WDPCP: variants seen among roughly 807,000 people sequenced by gnomAD.
The protein encoded by WDPCP is WD repeat-containing and planar cell polarity effector protein fritz homolog.
Under a neutral mutation model 93.1 loss-of-function variants are expected in WDPCP, and 71 were observed. That is an observed-to-expected ratio of 0.76 (90% CI 0.63 to 0.93). WDPCP has a LOEUF of 0.93. Ranked by LOEUF, WDPCP falls within the 40% of genes least tolerant of loss-of-function variation. WDPCP has a pLI of 0.00. For missense variants in WDPCP, 844 were observed against 887.4 expected (o/e 0.95, Z 0.62); for synonymous variants, 315 against 315.0 (o/e 1.00, Z 0.00).
At chr2:63,260,186 A>G (rs750992733) in intron 13 of WDPCP, among the ~76,000 whole-genome samples, 3 of 152,216 alleles carry the variant, frequency 2.0e-5, no homozygotes, top group Non-Finnish European at 1.5e-5. Flanking sequence ...CTCTCTGACA[A>G]TGGCAGATCT....
chr2:63,605,131 G>C, intron 3 of WDPCP: 3 of 651,182 alleles, frequency 4.6e-6, no homozygotes, highest in Non-Finnish European at 8.0e-6. Context: ...AGAAGGATTG[G>C]TAAGGCTGAC....
intron 2 of WDPCP, among the ~76,000 whole-genome samples, chr2:63,764,591 A>T (rs1447800217): frequency 6.6e-6 from 1 of 152,206 alleles, no homozygotes; most frequent in African/African-American, 2.4e-5. Flanking sequence ...AGCACATTAA[A>T]TATAAATGGA....
At chr2:63,364,993 C>T (rs564425066) in intron 12 of WDPCP, among the ~76,000 whole-genome samples, 147 of 152,276 alleles carry the variant, frequency 9.7e-4, no homozygotes, top group African/African-American at 3.1e-3. Context: ...ATGGGCTTGG[C>T]TGTGTTCCAA....
chr2:63,267,987 T>C (rs1183750840), intron 13 of WDPCP, among the ~76,000 whole-genome samples: 9 of 152,104 alleles, frequency 5.9e-5, no homozygotes, highest in South Asian at 2.1e-4. Flanking sequence ...TCCAAAGGGA[T>C]TGAAATTGAT....
intron 2 of WDPCP, among the ~76,000 whole-genome samples, chr2:63,772,649 T>C (rs981911425): frequency 2.6e-5 from 4 of 152,078 alleles, no homozygotes; most frequent in African/African-American, 9.6e-5. Flanking sequence ...TATCAATCAA[T>C]GTAATTCATG....
Position 63,722,625 on chromosome 2 carries a change from C to T in WDPCP, n.309-71787G>A, listed in dbSNP as rs1256093476. 4.4e-5 allele frequency among the ~76,000 whole-genome samples: 6 copies of T among 134,924 alleles called. No individual in the cohort carries two copies. The East Asian group carries it at 6.8e-4, about 15-fold the overall frequency. 88.5% of individuals were successfully genotyped at this position (134,924 alleles called of 152,430 possible). On this transcript the variant is annotated intron_variant and non_coding_transcript_variant, in intron 2 of 4. Coordinates refer to the WDPCP transcript ENST00000467687. ...GGAGGGAGGTGGGGGGGTCAGCCCCCGCCCGGCCAGCCGCCCCGTCCGGGA... is the reference window on the plus strand; with the variant it reads ...GGAGGGAGGTGGGGGGGTCAGCCCCTGCCCGGCCAGCCGCCCCGTCCGGGA...
chr2:63,755,626 T>A (rs1187584940), intron 2 of WDPCP, among the ~76,000 whole-genome samples: 5 of 152,224 alleles, frequency 3.3e-5, no homozygotes, highest in African/African-American at 1.2e-4. Context: ...TTTCATAAAA[T>A]TGTTCTTGTC....
At chr2:63,335,626 G>A (rs947246842) in intron 12 of WDPCP, among the ~76,000 whole-genome samples, 2 of 152,110 alleles carry the variant, frequency 1.3e-5, no homozygotes, top group African/African-American at 4.8e-5. Context: ...CATTGCTGGT[G>A]TAGAAAAATG....
chr2:63,712,514 A>T (rs1481783898), intron 2 of WDPCP, among the ~76,000 whole-genome samples: 1 of 152,200 alleles, frequency 6.6e-6, no homozygotes, highest in African/African-American at 2.4e-5. Context: ...ATAACCTGGG[A>T]TAAGGAGAGA....
chr2:63,461,107 GA>G (rs747116962), intron 6 of WDPCP, among the ~76,000 whole-genome samples: 13 of 152,152 alleles, frequency 8.5e-5, no homozygotes, highest in Non-Finnish European at 1.5e-4. Flanking sequence ...GCAGAGCTAG[GA>G]ATGGTGCATG....
At chr2:63,698,451 GC>G (rs952141792) in intron 2 of WDPCP, among the ~76,000 whole-genome samples, 3 of 152,116 alleles carry the variant, frequency 2.0e-5, no homozygotes, top group African/African-American at 7.2e-5. Flanking sequence ...TGCCTGGGAG[GC>G]AAGCTATGTT....
chr2:63,643,690 G>C (rs73934731), intron 3 of WDPCP: 13,768 of 481,066 alleles, frequency 0.029, 1,160 homozygotes, highest in African/African-American at 0.21. Context: ...CTTGTACTTA[G>C]CCTCCTCAGA....
chr2:63,534,068 G>T (rs570439841), intron 1 of WDPCP, among the ~76,000 whole-genome samples: 36 of 152,034 alleles, frequency 2.4e-4, no homozygotes, highest in Non-Finnish European at 4.3e-4. Context: ...TACCATCAGA[G>T]AATACTACAA....
In WDPCP at chr2:63,527,469, G is replaced by A. The variant is rs1211838302; in HGVS notation, c.76-34529C>T. Among the ~76,000 whole-genome samples the A allele has an allele frequency of 2.7e-5, 4 of 149,426 alleles. No individual in the cohort carries two copies. In the East Asian group the frequency reaches 8.0e-4, roughly 30 times the overall value. The stretch of plus-strand genomic sequence containing the variant: ...CCAGCTATGAGTGAGAACATGCAGT[G>A]TTTGGTTTTCTGTCCTTGCGATAGT... On this transcript the variant is annotated intron_variant, in intron 1 of 17. Transcript: ENST00000272321.
chr2:63,680,898 C>A (rs1328414759), intron 2 of WDPCP, among the ~76,000 whole-genome samples: 1 of 152,058 alleles, frequency 6.6e-6, no homozygotes, highest in Admixed American at 6.6e-5. Flanking sequence ...GGCACCCATT[C>A]CAGGCCCTAG....
intron 14 of WDPCP, among the ~76,000 whole-genome samples, chr2:63,231,858 A>C (rs1209483362): frequency 6.6e-6 from 1 of 152,216 alleles, no homozygotes; most frequent in Admixed American, 6.5e-5. Flanking sequence ...GACAAAAAAG[A>C]GCCCACATTG....
In WDPCP at chr2:63,772,895, T is replaced by C. The variant is rs537751552; in HGVS notation, n.308+40727A>G. Reference sequence around the variant, plus strand: ...CCTGATACTGGGATCAAGTCAAGGATGCCTATTGTCACCACTGTGATTCAC... The same window carrying C: ...CCTGATACTGGGATCAAGTCAAGGACGCCTATTGTCACCACTGTGATTCAC... On this transcript the variant is annotated intron_variant and non_coding_transcript_variant, in intron 2 of 4. Coordinates refer to the WDPCP transcript ENST00000467687. 1.7e-4 allele frequency among the ~76,000 whole-genome samples: 26 copies of C among 152,194 alleles called. No individual in the cohort carries two copies. The South Asian group carries it at 5.4e-3, about 32-fold the overall frequency.
chr2:63,829,149 T>C (rs1399085392), upstream of WDPCP, among the ~76,000 whole-genome samples: 1 of 152,150 alleles, frequency 6.6e-6, no homozygotes, highest in Non-Finnish European at 1.5e-5. Context: ...CAGTACTTTA[T>C]TGACCAAAAC....
chr2:63,761,417 G>A (rs528331582), intron 2 of WDPCP, among the ~76,000 whole-genome samples: 59 of 152,170 alleles, frequency 3.9e-4, no homozygotes, highest in African/African-American at 1.3e-3. Flanking sequence ...AACAAAAAAT[G>A]GACTAAGGCA....
Sources: gnomAD v4.1 joint callset for allele counts (sites outside exome capture counted in the v4.1 genomes callset) on GRCh38, gnomAD v4.1.1 for gene constraint, MANE v1.5 for transcripts, NCBI Gene and HGNC (gene_info 2026-07-23, HGNC 2026-07-21) for gene names.